The following AGAP1 variants were observed in gnomAD, a reference collection of about 807,000 sequenced individuals.
AGAP1 encodes the protein arf-GAP with GTPase, ANK repeat and PH domain-containing protein 1.
AGAP1 carries 29 observed loss-of-function variants against 105.3 expected under a neutral mutation model. That is an observed-to-expected ratio of 0.28 (90% CI 0.21 to 0.38). AGAP1 has a LOEUF of 0.38. Among genes scored for constraint, AGAP1 ranks in the 10% least tolerant of loss-of-function variants. AGAP1 has a pLI of 1.00. For missense variants in AGAP1, 998 were observed against 1,165.1 expected (o/e 0.86, Z 2.09); for synonymous variants, 509 against 485.9 (o/e 1.05, Z -0.63).
rs1214515840 is a variant in AGAP1 at position 235,714,036 on chromosome 2, CAG to C, written c.223-3518_223-3517del. 2.0e-5 allele frequency among the ~76,000 whole-genome samples: 3 copies of C among 152,076 alleles called. No homozygotes were observed. The highest frequency in any genetic ancestry group is 7.2e-5 in the African/African-American group (3 of 41,418). ...ATTATTTTGTTTTTATTTTTTGAGA[CAG>C]AGTCTCACTCTGTCGCCCAGGCTGG... On this transcript the variant is annotated intron_variant, in intron 2 of 17. Transcript: ENST00000304032. The surrounding 1 kb of genome is among the most constrained non-coding windows in gnomAD (Gnocchi z 4.1).
rs1559299631 is a variant in AGAP1 at position 236,124,174 on chromosome 2, GCATTCT to G, written c.*54_*59del. The G allele has an allele frequency of 1.2e-5, 19 of 1,586,278 alleles. No homozygotes were observed. The East Asian group carries it at 4.3e-4, about 36-fold the overall frequency. ...GCACCTGGGACGCGGCAGCCTCGCC[GCATTCT>G]CGCTCAGAAGTCGCAGCACGTGAGT... is the stretch of plus-strand genomic sequence containing the variant. On this transcript the variant is annotated 3_prime_UTR_variant, in exon 18 of 18. Transcript: ENST00000304032. The surrounding 1 kb of genome is among the most constrained non-coding windows in gnomAD (Gnocchi z 5.1).
rs869120840 is a variant in AGAP1, at chr2:235,683,687, TTCTC to T, written c.164-25482_164-25479del. Among the ~76,000 whole-genome samples, 34 of 151,374 alleles carry T rather than the reference TTCTC, an allele frequency of 2.2e-4. 1 individual carries two copies. Among genetic ancestry groups the T allele is most frequent in the African/African-American group, 6.6e-4 (27 of 41,196 alleles). ...TTGAGGAGATGGCCTTGTTTTTTCT[TTCTC>T]TCTCTCTCTTTTTTTTTTTATTATA... On this transcript the variant is annotated intron_variant, in intron 1 of 17. Transcript: ENST00000304032.
intron 2 of AGAP1, among the ~76,000 whole-genome samples, chr2:235,710,418 C>G (rs928338305): frequency 7.9e-5 from 12 of 152,352 alleles, no homozygotes; most frequent in Non-Finnish European, 1.5e-4. Flanking sequence ...TGCCGTCTCT[C>G]TCATTGGTGT....
At chr2:235,697,638 G>A (rs1950058661) in intron 1 of AGAP1, among the ~76,000 whole-genome samples, 1 of 152,206 alleles carries the variant, frequency 6.6e-6, no homozygotes, top group Admixed American at 6.5e-5. Context: ...CAACAGTAAG[G>A]AGTGAGTTAA....
intron 1 of AGAP1, among the ~76,000 whole-genome samples, chr2:235,594,213 T>C (rs556947843): frequency 1.3e-5 from 2 of 152,126 alleles, no homozygotes; most frequent in Non-Finnish European, 2.9e-5. Context: ...ATACAGTTCT[T>C]ACATGGCTTT....
chr2:235,612,810 A>G lies in AGAP1; in HGVS notation c.164-96369A>G, dbSNP rs1014132584. On this transcript the variant is annotated intron_variant, in intron 1 of 17. Coordinates refer to ENST00000304032, the MANE Select transcript of AGAP1 (RefSeq NM_001037131.3). This position sits in a 1 kb window ranked among gnomAD's most constrained non-coding sequence, Gnocchi z 4.3. Reference sequence around the variant, plus strand: ...GGTTGGCCTGCCAGCCGATGTTGTGATCTTGTGGAGGGAATGACCCCACGT... The same window carrying G: ...GGTTGGCCTGCCAGCCGATGTTGTGGTCTTGTGGAGGGAATGACCCCACGT... Among the ~76,000 whole-genome samples, 1 of 151,934 alleles carries G rather than the reference A, an allele frequency of 6.6e-6. No homozygotes were observed. The highest frequency in any genetic ancestry group is 2.4e-5 in the African/African-American group (1 of 41,380).
rs549240313 is a variant in AGAP1, at chr2:235,787,608, C to A, written c.674-10151C>A. On this transcript the variant is annotated intron_variant, in intron 6 of 17. Coordinates refer to ENST00000304032, the MANE Select transcript of AGAP1 (RefSeq NM_001037131.3). The surrounding 1 kb of genome is among the most constrained non-coding windows in gnomAD (Gnocchi z 4.4). Reference sequence around the variant, plus strand: ...GGATTTCACAATCTCCCACATCTAGCAAATTGCCTGGCATATACTAGTTGC... The same window carrying A: ...GGATTTCACAATCTCCCACATCTAGAAAATTGCCTGGCATATACTAGTTGC... Among the ~76,000 whole-genome samples, 1 of 152,158 alleles carries A rather than the reference C, an allele frequency of 6.6e-6. No homozygotes were observed. Among genetic ancestry groups the A allele is most frequent in the Non-Finnish European group, 1.5e-5 (1 of 68,028 alleles).
At position 235,660,267 on chromosome 2, in the gene AGAP1, T is replaced by A. The variant is rs1947904825; in HGVS notation, c.164-48912T>A. Among the ~76,000 whole-genome samples the A allele has an allele frequency of 6.6e-6, 1 of 152,040 alleles. No homozygotes were observed. Among genetic ancestry groups the A allele is most frequent in the Non-Finnish European group, 1.5e-5 (1 of 67,980 alleles). On this transcript the variant is annotated intron_variant, in intron 1 of 17. Transcript: ENST00000304032. This position sits in a 1 kb window ranked among gnomAD's most constrained non-coding sequence, Gnocchi z 5.3. ...CCACTGGAGACTTCATAGATAAACT[T>A]GCGGGGTCACGGTGAGGGAGGCACT...
At chr2:235,579,510 T>C (rs1218432529) in intron 1 of AGAP1, among the ~76,000 whole-genome samples, 2 of 152,092 alleles carry the variant, frequency 1.3e-5, no homozygotes, top group African/African-American at 4.8e-5. Flanking sequence ...GCGTGGTGGC[T>C]CACACCTGTA....
intron 6 of AGAP1, among the ~76,000 whole-genome samples, chr2:235,795,152 A>G (rs1957185710): frequency 6.6e-6 from 1 of 152,106 alleles, no homozygotes; most frequent in South Asian, 2.1e-4. Context: ...TCACATAGAC[A>G]CACCAAGCTT....
At position 235,740,949 on chromosome 2, in the gene AGAP1, T is replaced by G; in HGVS notation, c.311-14T>G. 1.2e-6 allele frequency: 2 copies of G among 1,614,092 alleles called. No homozygotes were observed. The highest frequency in any genetic ancestry group is 1.7e-6 in the Non-Finnish European group (2 of 1,179,950). Reference sequence around the variant, plus strand: ...GTTGTTCTCGTGTAACGAGATGTTTTGTGTGTGTGGCAGGTGGCAGGTTCA... The same window carrying G: ...GTTGTTCTCGTGTAACGAGATGTTTGGTGTGTGTGGCAGGTGGCAGGTTCA... On this transcript the variant is annotated splice_polypyrimidine_tract_variant and intron_variant, in intron 3 of 17. Coordinates refer to ENST00000304032, the MANE Select transcript of AGAP1 (RefSeq NM_001037131.3). The surrounding 1 kb of genome is among the most constrained non-coding windows in gnomAD (Gnocchi z 5.7).
rs1394171729 is a variant in AGAP1, at chr2:236,002,866, G to T, written c.1646-33695G>T. Among the ~76,000 whole-genome samples, 1 of 152,076 alleles carries T rather than the reference G, an allele frequency of 6.6e-6. No individual in the cohort carries two copies. The highest frequency in any genetic ancestry group is 1.5e-5 in the Non-Finnish European group (1 of 68,012). On this transcript the variant is annotated intron_variant, in intron 13 of 17. Coordinates refer to ENST00000304032, the MANE Select transcript of AGAP1 (RefSeq NM_001037131.3). The surrounding 1 kb of genome is among the most constrained non-coding windows in gnomAD (Gnocchi z 4.3). ...TCAAGTTAAGTGTGATTTGAAAAAT[G>T]ACCAAGTCTCCTAAGGTGAAGTTTG...
At chr2:236,010,584 A>AT (rs1256887599) in intron 13 of AGAP1, among the ~76,000 whole-genome samples, 2 of 152,208 alleles carry the variant, frequency 1.3e-5, no homozygotes, top group Non-Finnish European at 2.9e-5. Context: ...CAGAAAGTCC[A>AT]TACATAGCCA....
chr2:235,686,640 T>TAG (rs1949434979), intron 1 of AGAP1, among the ~76,000 whole-genome samples: 6 of 48,662 alleles, frequency 1.2e-4, no homozygotes, highest in South Asian at 7.0e-4. Context: ...TATATATATA[T>TAG]ATATAGATAT....
chr2:235,508,398 A>G (rs1360237621), intron 1 of AGAP1, among the ~76,000 whole-genome samples: 1 of 152,212 alleles, frequency 6.6e-6, no homozygotes, highest in Non-Finnish European at 1.5e-5. Context: ...TACTTGGGGA[A>G]TTCTCTCCGC....
chr2:235,945,596 T>A (rs1313789079), intron 12 of AGAP1, among the ~76,000 whole-genome samples: 1 of 148,518 alleles, frequency 6.7e-6, no homozygotes, highest in Non-Finnish European at 1.5e-5. Context: ...AATAAAAAAA[T>A]TAAATTTTAG....
chr2:235,862,737 A>G (rs1399342633), intron 9 of AGAP1, among the ~76,000 whole-genome samples: 1 of 152,184 alleles, frequency 6.6e-6, no homozygotes. Flanking sequence ...CCATGTCTGA[A>G]TTGCCTTCAC....
chr2:235,594,289 GTT>G (rs71400775), intron 1 of AGAP1, among the ~76,000 whole-genome samples: 11 of 148,376 alleles, frequency 7.4e-5, no homozygotes, highest in Non-Finnish European at 1.3e-4. Flanking sequence ...GCATTCTGGG[GTT>G]TTTTTTTTTT....
Position 236,002,028 on chromosome 2 carries a change from T to A in AGAP1, c.1645+33405T>A, listed in dbSNP as rs1170774321. ...CCTCCATGGCTGGTCCTGGACTGGG[T>A]GAGGACACCATGAGAAACAGCTAGA... On this transcript the variant is annotated intron_variant, in intron 13 of 17. Coordinates refer to ENST00000304032, the MANE Select transcript of AGAP1 (RefSeq NM_001037131.3). The surrounding 1 kb of genome is among the most constrained non-coding windows in gnomAD (Gnocchi z 4.3). Among the ~76,000 whole-genome samples the A allele has an allele frequency of 6.6e-6, 1 of 152,142 alleles. No homozygotes were observed. Among genetic ancestry groups the A allele is most frequent in the East Asian group, 1.9e-4 (1 of 5,184 alleles).
Sources: allele counts gnomAD v4.1 joint callset (sites outside exome capture counted in the v4.1 genomes callset), GRCh38; gene constraint gnomAD v4.1.1; non-coding constraint Gnocchi (gnomAD v3.1); transcripts MANE v1.5; gene names NCBI Gene and HGNC (gene_info 2026-07-23, HGNC 2026-07-21).